Variants in GPR39 observed in about 807,000 individuals in gnomAD.
GPR39 encodes zinc sensing receptor.
Under a neutral mutation model 18.4 loss-of-function variants are expected in GPR39, and 23 were observed. The ratio of observed to expected loss-of-function variants is 1.25; its 90% confidence interval spans 0.90 to 1.77. The LOEUF (loss-of-function observed/expected upper bound fraction) is 1.77, where lower values mean the gene tolerates loss of function less well. Ranked by LOEUF, GPR39 falls within the 40% of genes most tolerant of loss-of-function variation. GPR39 has a pLI of 0.00. For synonymous variants in GPR39, 280 were observed against 257.9 expected (o/e 1.09, Z -0.82); for missense variants, 647 against 602.4 (o/e 1.07, Z -0.78).
At chr2:132,602,261 A>G (rs1681056559) in intron 1 of GPR39, among the ~76,000 whole-genome samples, 1 of 152,180 alleles carries the variant, frequency 6.6e-6, no homozygotes, top group Non-Finnish European at 1.5e-5. Context: ...ATTTTCAGCA[A>G]AGGTGCCAAG....
At chr2:132,544,915 C>G (rs534712481) in intron 1 of GPR39, among the ~76,000 whole-genome samples, 1 of 152,102 alleles carries the variant, frequency 6.6e-6, no homozygotes, top group East Asian at 1.9e-4. Context: ...AACAAAGGCA[C>G]CACTCAAAGG....
chr2:132,504,614 G>T (rs1339903257), intron 1 of GPR39, among the ~76,000 whole-genome samples: 1 of 152,144 alleles, frequency 6.6e-6, no homozygotes, highest in Non-Finnish European at 1.5e-5. Flanking sequence ...ACTTTCCTCA[G>T]ACTGACTTAT....
At chr2:132,427,127 GGTAC>G (rs1426670237) in intron 1 of GPR39, among the ~76,000 whole-genome samples, 1 of 39,020 alleles carries the variant, frequency 2.6e-5, no homozygotes, top group Non-Finnish European at 4.8e-5. Context: ...TACATATATA[GGTAC>G]ATATATATAT....
chr2:132,607,832 C>G (rs751003210), intron 1 of GPR39, among the ~76,000 whole-genome samples: 6 of 152,172 alleles, frequency 3.9e-5, no homozygotes, highest in Admixed American at 6.5e-5. Flanking sequence ...TAATTTTACG[C>G]TCTTGGCAGG....
chr2:132,474,567 G>A (rs911376777), intron 1 of GPR39, among the ~76,000 whole-genome samples: 2 of 152,216 alleles, frequency 1.3e-5, no homozygotes, highest in Non-Finnish European at 2.9e-5. Flanking sequence ...CATGCGTGGA[G>A]TGTTTGTGTG....
rs7587221 is a variant in GPR39 at position 132,640,847 on chromosome 2, C to T, written c.857-4254C>T. On this transcript the variant is annotated intron_variant, in intron 1 of 1. Transcript: ENST00000329321. ...ATTCTCAACGGTGTATCATCTAGAA[C>T]AACAAACTTTTTTTAATGTAAAAAT... 2.9e-3 allele frequency among the ~76,000 whole-genome samples: 445 copies of T among 152,218 alleles called. 4 individuals carry two copies. The highest frequency in any genetic ancestry group is 0.01 in the African/African-American group (424 of 41,532).
chr2:132,473,039 C>T lies in GPR39; in HGVS notation c.856+55141C>T, dbSNP rs986960307. ...AGGTCAAGTAGCTGGGCAGCTTGTG[C>T]CACTGCCTGAACCTGCTACAGAGTT... On this transcript the variant is annotated intron_variant, in intron 1 of 1. Transcript: ENST00000329321. 2.0e-5 allele frequency among the ~76,000 whole-genome samples: 3 copies of T among 152,170 alleles called. No individual in the cohort carries two copies. The South Asian group carries it at 6.3e-4, about 32-fold the overall frequency.
At chr2:132,499,922 A>C (rs912534908) in intron 1 of GPR39, among the ~76,000 whole-genome samples, 4 of 152,196 alleles carry the variant, frequency 2.6e-5, no homozygotes, top group African/African-American at 9.7e-5. Context: ...TGATTTGTGT[A>C]CATTAATTTT....
At chr2:132,468,108 CT>C (rs888173993) in intron 1 of GPR39, among the ~76,000 whole-genome samples, 5 of 151,566 alleles carry the variant, frequency 3.3e-5, no homozygotes, top group African/African-American at 7.3e-5. Flanking sequence ...ATGGGAAATT[CT>C]TTTTTTTTCT....
At chr2:132,478,507 G>C (rs1315799882) in intron 1 of GPR39, among the ~76,000 whole-genome samples, 1 of 152,212 alleles carries the variant, frequency 6.6e-6, no homozygotes, top group Non-Finnish European at 1.5e-5. Flanking sequence ...GTTGGCCCCA[G>C]ATACTGGATG....
intron 1 of GPR39, among the ~76,000 whole-genome samples, chr2:132,601,517 G>A (rs1271979288): frequency 3.9e-5 from 6 of 151,966 alleles, no homozygotes; most frequent in Non-Finnish European, 7.4e-5. Flanking sequence ...ATACTGAACT[G>A]GAACAAGACA....
intron 1 of GPR39, among the ~76,000 whole-genome samples, chr2:132,517,052 G>A (rs567633260): frequency 1.4e-4 from 21 of 151,710 alleles, no homozygotes; most frequent in African/African-American, 4.1e-4. Context: ...GATAAAATGC[G>A]CATTTTTTTT....
chr2:132,632,054 C>G (rs1394559945), intron 1 of GPR39, among the ~76,000 whole-genome samples: 1 of 152,056 alleles, frequency 6.6e-6, no homozygotes, highest in Non-Finnish European at 1.5e-5. Context: ...CTCCTAACCT[C>G]AAGCGATCTG....
chr2:132,570,335 G>A (rs975682200), intron 1 of GPR39, among the ~76,000 whole-genome samples: 7 of 151,998 alleles, frequency 4.6e-5, no homozygotes, highest in African/African-American at 7.3e-5. Context: ...TCTGCTCCAG[G>A]GAAGTCTCCA....
intron 1 of GPR39, among the ~76,000 whole-genome samples, chr2:132,544,675 C>T (rs1679911327): frequency 6.6e-6 from 1 of 152,210 alleles, no homozygotes; most frequent in African/African-American, 2.4e-5. Context: ...GCTGGGTGTG[C>T]ACCAGTCCGC....
intron 1 of GPR39, among the ~76,000 whole-genome samples, chr2:132,627,449 A>G (rs1046254437): frequency 6.6e-6 from 1 of 152,218 alleles, no homozygotes; most frequent in Admixed American, 6.5e-5. Context: ...GGATTCTAGG[A>G]AGCAGAGAGA....
intron 1 of GPR39, among the ~76,000 whole-genome samples, chr2:132,484,005 C>T (rs1309687826): frequency 1.3e-5 from 2 of 152,196 alleles, no homozygotes; most frequent in African/African-American, 2.4e-5. Flanking sequence ...AATGTCTCCA[C>T]TCCACCCATA....
chr2:132,419,598 A>G (rs573883791), intron 1 of GPR39, among the ~76,000 whole-genome samples: 1 of 152,340 alleles, frequency 6.6e-6, no homozygotes, highest in Admixed American at 6.5e-5. Flanking sequence ...CTCAAATATT[A>G]CAGAGAGGAA....
rs1265028374 is a variant in GPR39, at chr2:132,470,690, A to G, written c.856+52792A>G. Among the ~76,000 whole-genome samples, 4 of 135,954 alleles carry G rather than the reference A, an allele frequency of 2.9e-5. No homozygotes were observed. The East Asian group carries it at 9.9e-4, about 34-fold the overall frequency. 89.2% of individuals were successfully genotyped at this position (135,954 alleles called of 152,430 possible). On this transcript the variant is annotated intron_variant, in intron 1 of 1. Transcript: ENST00000329321. ...ATAGATCCAGTTGTACAAAGGAAGCATTTGTTGGGGGGCAGGGAGAGGGGC... is the reference window on the plus strand; with the variant it reads ...ATAGATCCAGTTGTACAAAGGAAGCGTTTGTTGGGGGGCAGGGAGAGGGGC...
Sources: allele counts gnomAD v4.1 joint callset (sites outside exome capture counted in the v4.1 genomes callset), GRCh38; gene constraint gnomAD v4.1.1; transcripts MANE v1.5; gene names NCBI Gene and HGNC (gene_info 2026-07-23, HGNC 2026-07-21).